MGAT4C: variants seen among roughly 807,000 people sequenced by gnomAD.
MGAT4C encodes alpha-1,3-mannosyl-glycoprotein 4-beta-N-acetylglucosaminyltransferase C.
A neutral mutation model predicts 40.1 loss-of-function variants in MGAT4C; 19 were observed. The observed-to-expected ratio is 0.47, with a 90% CI of 0.33 to 0.70. The LOEUF (loss-of-function observed/expected upper bound fraction) is 0.70, where lower values mean the gene tolerates loss of function less well. Ranked by LOEUF, MGAT4C falls within the 30% of genes least tolerant of loss-of-function variation. The pLI is 0.02. For synonymous variants in MGAT4C, 181 were observed against 187.1 expected (o/e 0.97, Z 0.27); for missense variants, 491 against 563.2 (o/e 0.87, Z 1.30).
chr12:86,794,644 A>G (rs1367543580), intron 1 of MGAT4C, among the ~76,000 whole-genome samples: 1 of 151,886 alleles, frequency 6.6e-6, no homozygotes, highest in Non-Finnish European at 1.5e-5. Context: ...ATTATCTGAG[A>G]AATTCCTCCT....
chr12:86,307,303 A>G (rs1394047241), intron 4 of MGAT4C, among the ~76,000 whole-genome samples: 4 of 150,726 alleles, frequency 2.7e-5, no homozygotes, highest in Admixed American at 2.6e-4. Flanking sequence ...CAGCATTGGC[A>G]TGAATTACAT....
intron 2 of MGAT4C, among the ~76,000 whole-genome samples, chr12:86,533,482 C>T (rs946620675): frequency 6.6e-6 from 1 of 151,854 alleles, no homozygotes; most frequent in Non-Finnish European, 1.5e-5. Flanking sequence ...TACTCTGACA[C>T]TGAAATTTTC....
At chr12:86,364,169 C>T (rs993869254) in intron 3 of MGAT4C, among the ~76,000 whole-genome samples, 1 of 151,882 alleles carries the variant, frequency 6.6e-6, no homozygotes, top group African/African-American at 2.4e-5. Flanking sequence ...AGAACCTCTT[C>T]CAGAAAATTA....
At chr12:86,764,311 A>C (rs924763168) in intron 1 of MGAT4C, among the ~76,000 whole-genome samples, 9 of 152,014 alleles carry the variant, frequency 5.9e-5, no homozygotes, top group Non-Finnish European at 1.2e-4. Context: ...AGGCTGGGGG[A>C]GGGGTGCCCG....
intron 1 of MGAT4C, among the ~76,000 whole-genome samples, chr12:86,054,030 T>G (rs1358679991): frequency 6.6e-6 from 1 of 151,950 alleles, no homozygotes; most frequent in Non-Finnish European, 1.5e-5. Context: ...GAAAACAGTA[T>G]GATAGTTTCT....
At position 85,961,428 on chromosome 12, in the gene MGAT4C, T is replaced by C. The variant is rs1883104579; in HGVS notation, c.*17861A>G. 1 of 151,800 alleles carries C rather than the reference T, an allele frequency of 6.6e-6. No individual in the cohort carries two copies. Among genetic ancestry groups the C allele is most frequent in the South Asian group, 2.1e-4 (1 of 4,826 alleles). The allele number at this position is 151,800 out of a possible 1,614,324, so 9.4% of individuals were successfully genotyped here. A position where few individuals can be genotyped will look rare whatever the true frequency, so the allele number is the denominator to read the frequency against. On this transcript the variant is annotated 3_prime_UTR_variant, in exon 5 of 5. Transcript: ENST00000611864. ...GGAATGTGTCTGGGGATGGTACTAA[T>C]AATATTGAGATTTTACAATTTAGGT...
At chr12:86,412,089 G>A (rs1219421988) in intron 3 of MGAT4C, among the ~76,000 whole-genome samples, 1 of 152,172 alleles carries the variant, frequency 6.6e-6, no homozygotes, top group Admixed American at 6.5e-5. Flanking sequence ...ATCTATGTAT[G>A]GAAACACCTG....
chr12:86,837,231 C>A (rs1953055199), intron 1 of MGAT4C, among the ~76,000 whole-genome samples: 1 of 151,994 alleles, frequency 6.6e-6, no homozygotes, highest in African/African-American at 2.4e-5. Context: ...TAATTTAAGG[C>A]CCTGTTCCTC....
chr12:86,365,186 C>T (rs1955564924), intron 3 of MGAT4C, among the ~76,000 whole-genome samples: 1 of 152,156 alleles, frequency 6.6e-6, no homozygotes, highest in African/African-American at 2.4e-5. Context: ...AAAAAGAATT[C>T]AGCAATATTT....
intron 2 of MGAT4C, among the ~76,000 whole-genome samples, chr12:86,714,546 A>G (rs1038375252): frequency 6.6e-6 from 1 of 152,096 alleles, no homozygotes; most frequent in South Asian, 2.1e-4. Flanking sequence ...TGATGATTTT[A>G]TAAGGGGAAA....
intron 4 of MGAT4C, among the ~76,000 whole-genome samples, chr12:86,329,114 A>AAATG (rs1490706178): frequency 7.3e-6 from 1 of 136,832 alleles, no homozygotes; most frequent in Non-Finnish European, 1.5e-5. Context: ...ATAAATAAAT[A>AAATG]AATAAATAAA....
chr12:86,515,313 A>G (rs1592941124), intron 2 of MGAT4C, among the ~76,000 whole-genome samples: 1 of 152,354 alleles, frequency 6.6e-6, no homozygotes, highest in Non-Finnish European at 1.5e-5. Context: ...AGAAAATGAA[A>G]TGAAAAATCG....
intron 1 of MGAT4C, among the ~76,000 whole-genome samples, chr12:86,211,302 C>T (rs1237413368): frequency 6.8e-6 from 1 of 147,026 alleles, no homozygotes; most frequent in Non-Finnish European, 1.5e-5. Context: ...GTGGCTCACA[C>T]CTGTAATCCT....
chr12:86,695,691 T>A (rs1950243689), intron 2 of MGAT4C, among the ~76,000 whole-genome samples: 1 of 152,068 alleles, frequency 6.6e-6, no homozygotes, highest in Non-Finnish European at 1.5e-5. Flanking sequence ...ACATCACATG[T>A]TCTCACTTAT....
chr12:86,271,080 G>A (rs943475016), intron 4 of MGAT4C, among the ~76,000 whole-genome samples: 1 of 152,070 alleles, frequency 6.6e-6, no homozygotes, highest in Non-Finnish European at 1.5e-5. Context: ...GAAAATCTAG[G>A]AAAAAGTATT....
At chr12:86,808,067 CAAGGCTGAACT>C (rs1952396637) in intron 1 of MGAT4C, among the ~76,000 whole-genome samples, 1 of 151,944 alleles carries the variant, frequency 6.6e-6, no homozygotes, top group East Asian at 1.9e-4. Context: ...TACACCCTCC[CAAGGCTGAACT>C]AAGAATAAGT....
At chr12:86,808,311 A>G (rs115564023) in intron 1 of MGAT4C, among the ~76,000 whole-genome samples, 3,110 of 152,178 alleles carry the variant, frequency 0.02, 100 homozygotes, top group African/African-American at 0.071. Flanking sequence ...AAAATCTGGC[A>G]GAGATATACA....
chr12:86,140,786 A>G (rs1344218484), intron 1 of MGAT4C, among the ~76,000 whole-genome samples: 1 of 152,318 alleles, frequency 6.6e-6, no homozygotes, highest in African/African-American at 2.4e-5. Flanking sequence ...CAAATAGTCA[A>G]TGTTCATTAT....
intron 1 of MGAT4C, among the ~76,000 whole-genome samples, chr12:86,179,049 T>G (rs1163282407): frequency 6.6e-6 from 1 of 152,218 alleles, no homozygotes; most frequent in Non-Finnish European, 1.5e-5. Context: ...AAATGTCAAC[T>G]TGAATTGTAT....
Sources: gnomAD v4.1 joint callset for allele counts (sites outside exome capture counted in the v4.1 genomes callset) on GRCh38, gnomAD v4.1.1 for gene constraint, MANE v1.5 for transcripts, NCBI Gene and HGNC (gene_info 2026-07-23, HGNC 2026-07-21) for gene names.